The following PKNOX1 variants were observed in gnomAD, a reference collection of about 807,000 sequenced individuals.
The protein encoded by PKNOX1 is PBX/knotted 1 homeobox 1.
Under a neutral mutation model 51.9 loss-of-function variants are expected in PKNOX1, and 15 were observed. That is an observed-to-expected ratio of 0.29 (90% confidence interval 0.19 to 0.45). The LOEUF (loss-of-function observed/expected upper bound fraction) is 0.45. Ranked by LOEUF, PKNOX1 falls within the 20% of genes least tolerant of loss-of-function variation. The pLI is 1.00. For missense variants in PKNOX1, 462 were observed against 547.5 expected, an observed-to-expected ratio of 0.84 and a Z score of 1.56; for synonymous variants, 219 against 211.1, an observed-to-expected ratio of 1.04 and a Z score of -0.32.
At chr21:43,015,065 C>T (rs1979432124) in intron 5 of PKNOX1, among the ~76,000 whole-genome samples, 1 of 152,238 alleles carries the variant, frequency 6.6e-6, no homozygotes, top group African/African-American at 2.4e-5. Context: ...GTTTTTGACA[C>T]ATAAGTTGTG....
chr21:42,992,692 T>G (rs1310857256), intron 1 of PKNOX1, among the ~76,000 whole-genome samples: 1 of 151,898 alleles, frequency 6.6e-6, no homozygotes, highest in Non-Finnish European at 1.5e-5. Flanking sequence ...GACCTGGGCT[T>G]CTTCACAGAT....
In PKNOX1 at chr21:43,013,022, A is replaced by G. The variant is rs746352306; in HGVS notation, c.352-46A>G. The G allele has an allele frequency of 2.6e-5, 39 of 1,497,330 alleles. No individual in the cohort carries two copies. In the East Asian group the frequency reaches 7.9e-4, roughly 30 times the overall value. 92.8% of individuals were successfully genotyped at this position (1,497,330 alleles called of 1,614,324 possible). On this transcript the variant is annotated intron_variant, in intron 4 of 10. Transcript: ENST00000291547. The stretch of plus-strand genomic sequence containing the variant: ...GTATGTAGGATCATGATAACTTACA[A>G]TAATGCCACCTTTTTCTCTGAAAGT...
chr21:43,013,364 C>T (rs1459059347), intron 5 of PKNOX1, 126 bp downstream of exon 5: 11 of 655,656 alleles, frequency 1.7e-5, no homozygotes, highest in Non-Finnish European at 2.7e-5. Flanking sequence ...GAAGGACCCT[C>T]TAGGTCTCTG....
At position 42,999,366 on chromosome 21, in the gene PKNOX1, T is replaced by C. The variant is rs373927318; in HGVS notation, c.-56-4960T>C. Among the ~76,000 whole-genome samples the C allele has an allele frequency of 5.9e-5, 9 of 152,376 alleles. No homozygotes were observed. The South Asian group carries it at 6.2e-4, about 11-fold the overall frequency. Reference sequence around the variant, plus strand: ...TGGGAGGGGCTGCCATGAGGACTTCTGAAATGCCCTGGAGACATTTTCCCC... The same window carrying C: ...TGGGAGGGGCTGCCATGAGGACTTCCGAAATGCCCTGGAGACATTTTCCCC... On this transcript the variant is annotated intron_variant, in intron 1 of 10. Coordinates refer to ENST00000291547, the MANE Select transcript of PKNOX1 (RefSeq NM_004571.5).
chr21:43,018,331 G>C, intron 7 of PKNOX1, 101 bp downstream of exon 7: 1 of 695,074 alleles, frequency 1.4e-6, no homozygotes, highest in Non-Finnish European at 2.6e-6. Context: ...GAAGAGCTTT[G>C]TCTTGTGTAG....
chr21:42,976,380 TC>T (rs2058997780), intron 1 of PKNOX1, among the ~76,000 whole-genome samples: 1 of 152,220 alleles, frequency 6.6e-6, no homozygotes. Context: ...TGCTGACTGA[TC>T]AGGGTGGTGG....
intron 1 of PKNOX1, among the ~76,000 whole-genome samples, chr21:42,993,806 C>T (rs2146245066): frequency 6.7e-6 from 1 of 148,980 alleles, no homozygotes; most frequent in Non-Finnish European, 1.5e-5. Context: ...AGTCTGGGCT[C>T]ACAGCAGCCT....
At chr21:43,000,975 T>C (rs140435955) in intron 1 of PKNOX1, among the ~76,000 whole-genome samples, 65 of 152,044 alleles carry the variant, frequency 4.3e-4, no homozygotes, top group African/African-American at 1.5e-3. Flanking sequence ...CCTACCACCA[T>C]TGAGGTGTGA....
Position 43,007,573 on chromosome 21 carries a change from T to A in PKNOX1, c.134T>A (p.Val45Glu). 6.2e-7 allele frequency: 1 copy of A among 1,614,174 alleles called. No individual in the cohort carries two copies. The highest frequency in any genetic ancestry group is 8.5e-7 in the Non-Finnish European group (1 of 1,179,994). ...PDAEGVSPPP[V>E]ESQTPMDVDK... The stretch of plus-strand genomic sequence containing the variant: ...GCAGAAGGAGTGAGCCCTCCCCCTG[T>A]GGAGTCTCAGACCCCGATGGATGTG... The change falls in exon 3 of 11, where the codon GTG becomes GAG. Residue 45 changes from valine to glutamate, a missense_variant. Val to Glu is a moderately radical substitution (Grantham distance 121). Around this residue, in one of 5 missense-constraint regions of PKNOX1, gnomAD observed 129 missense variants for 133.4 expected, o/e 0.97. Coordinates refer to ENST00000291547, the MANE Select transcript of PKNOX1 (RefSeq NM_004571.5).
At chr21:43,004,191 C>A in intron 1 of PKNOX1, 135 bp from the exon 2 acceptor site, 1 of 458,636 alleles carries the variant, frequency 2.2e-6, no homozygotes, top group South Asian at 2.2e-5. Flanking sequence ...GAGCCGAGAT[C>A]GCGCCATTGC....
chr21:43,029,445 T>TTTTTTTTTTTTTTTTTTTTA, intron 10 of PKNOX1, among the ~76,000 whole-genome samples: 1 of 70,126 alleles, frequency 1.4e-5, no homozygotes, highest in South Asian at 4.6e-4. Flanking sequence ...TTTTTTTTTT[T>TTTTTTTTTTTTTTTTTTTTA]GAGACAGAGT....
Position 43,031,322 on chromosome 21 carries a change from G to A in PKNOX1, c.*1221G>A, listed in dbSNP as rs573437398. 9.8e-5 allele frequency: 15 copies of A among 152,716 alleles called. No homozygotes were observed. The highest frequency in any genetic ancestry group is 3.6e-4 in the African/African-American group (15 of 41,564). The allele number at this position is 152,716 out of a possible 1,614,324, so 9.5% of individuals were successfully genotyped here. On this transcript the variant is annotated 3_prime_UTR_variant, in exon 11 of 11. Transcript: ENST00000291547. ...CGAGCTGGTCTGGCGAGGGCACCTC[G>A]GCAGCCCCCACGGGTTGGCTCCTAC...
Position 43,021,832 on chromosome 21 carries a change from A to G in PKNOX1, c.849+401A>G, listed in dbSNP as rs1182878603. 6.6e-6 allele frequency among the ~76,000 whole-genome samples: 1 copy of G among 152,242 alleles called. No individual in the cohort carries two copies. Among genetic ancestry groups the G allele is most frequent in the Non-Finnish European group, 1.5e-5 (1 of 68,038 alleles). ...ACATCGCAGGGCCGGGTGCACCCAC[A>G]GGTGGGCCACCGGGTGGGTGCCTTT... On this transcript the variant is annotated intron_variant, in intron 8 of 10. Transcript: ENST00000291547. This position sits in a 1 kb window ranked among gnomAD's most constrained non-coding sequence, Gnocchi z 4.6.
rs1980239049 is a variant in PKNOX1, at chr21:43,030,961, C to T, written c.*860C>T. On this transcript the variant is annotated 3_prime_UTR_variant, in exon 11 of 11. Transcript: ENST00000291547. The stretch of plus-strand genomic sequence containing the variant: ...TGCAAATTTTTGTTGATATGTAATG[C>T]TCAGATTGCATTTTACACTTGATCT... 2 of 152,214 alleles carry T rather than the reference C, an allele frequency of 1.3e-5. No individual in the cohort carries two copies. The highest frequency in any genetic ancestry group is 6.5e-5 in the Admixed American group (1 of 15,270). The allele number at this position is 152,214 out of a possible 1,614,324, so 9.4% of individuals were successfully genotyped here.
In PKNOX1 at chr21:43,031,001, A is replaced by G. The variant is rs1174472973; in HGVS notation, c.*900A>G. 6.6e-6 allele frequency: 1 copy of G among 152,486 alleles called. No individual in the cohort carries two copies. The highest frequency in any genetic ancestry group is 2.4e-5 in the African/African-American group (1 of 41,434). 9.4% of individuals were successfully genotyped at this position (152,486 alleles called of 1,614,324 possible). A position where few individuals can be genotyped will look rare whatever the true frequency, so the allele number is the denominator to read the frequency against. On this transcript the variant is annotated 3_prime_UTR_variant, in exon 11 of 11. Coordinates refer to ENST00000291547, the MANE Select transcript of PKNOX1 (RefSeq NM_004571.5). ...ACACTTGATCTAAACATATATCGAA[A>G]GATATCTGCTAAACAGGACTTCAGG...
intron 7 of PKNOX1, among the ~76,000 whole-genome samples, chr21:43,019,420 C>CCA (rs200945686): frequency 2.7e-5 from 4 of 150,152 alleles, no homozygotes; most frequent in African/African-American, 7.4e-5. Flanking sequence ...AAAAAAAAAA[C>CCA]ACACATTTTT....
At chr21:43,008,061 TCACACACACACACACA>T (rs56932866) in intron 3 of PKNOX1, among the ~76,000 whole-genome samples, 1 of 146,886 alleles carries the variant, frequency 6.8e-6, no homozygotes, top group African/African-American at 2.6e-5. Context: ...CAAAACTCTG[TCACACACACACACACA>T]CACACACACA....
intron 10 of PKNOX1, 122 bp downstream of exon 10, chr21:43,028,996 T>C: frequency 1.1e-6 from 1 of 927,754 alleles, no homozygotes; most frequent in Non-Finnish European, 1.7e-6. Flanking sequence ...AGTGCGTGGT[T>C]CTCTTTCTCT....
intron 1 of PKNOX1, among the ~76,000 whole-genome samples, chr21:42,981,999 C>G (rs983087243): frequency 1.1e-4 from 16 of 152,308 alleles, no homozygotes; most frequent in African/African-American, 2.9e-4. Flanking sequence ...TAGGTGGTTG[C>G]CCTCCACTGT....
Sources: allele counts gnomAD v4.1 joint callset (sites outside exome capture counted in the v4.1 genomes callset), GRCh38; gene constraint gnomAD v4.1.1; regional missense constraint gnomAD v4.1.1; non-coding constraint Gnocchi (gnomAD v3.1); transcripts MANE v1.5; gene names NCBI Gene and HGNC (gene_info 2026-07-23, HGNC 2026-07-21).